The following GALNT18 variants were observed in gnomAD, a reference collection of about 807,000 sequenced individuals.
GALNT18 encodes GalNAc-transferase 18.
GALNT18 carries 44 observed loss-of-function variants against 69.5 expected under a neutral mutation model. The ratio of observed to expected loss-of-function variants is 0.63; its 90% confidence interval spans 0.50 to 0.81. The LOEUF is 0.81. Ranked by LOEUF, GALNT18 falls within the 40% of genes least tolerant of loss-of-function variation. The pLI is 0.00. For synonymous variants in GALNT18, 364 were observed against 318.2 expected (o/e 1.14, Z -1.53); for missense variants, 715 against 810.0 (o/e 0.88, Z 1.42).
At chr11:11,276,226 TCTC>T (rs1298826205) in intron 10 of GALNT18, among the ~76,000 whole-genome samples, 6 of 152,338 alleles carry the variant, frequency 3.9e-5, no homozygotes, top group Non-Finnish European at 8.8e-5. Flanking sequence ...GCTTTGTAGT[TCTC>T]CTTGAAGAGG....
chr11:11,418,596 T>C (rs116727863), intron 3 of GALNT18, among the ~76,000 whole-genome samples: 3,192 of 152,322 alleles, frequency 0.021, 118 homozygotes, highest in African/African-American at 0.071. Flanking sequence ...CTGTGGCTCA[T>C]GGCACTCAGC....
chr11:11,488,571 C>T (rs1010987093), intron 1 of GALNT18, among the ~76,000 whole-genome samples: 3 of 152,140 alleles, frequency 2.0e-5, no homozygotes, highest in African/African-American at 7.2e-5. Context: ...CTTCCTGCCA[C>T]ATAGGGTTGT....
intron 10 of GALNT18, among the ~76,000 whole-genome samples, chr11:11,272,309 C>T (rs1445406703): frequency 6.6e-6 from 1 of 152,222 alleles, no homozygotes. Context: ...CCCCTTATCC[C>T]TTTCCCATCA....
At chr11:11,426,926 T>C (rs1269751281) in intron 3 of GALNT18, among the ~76,000 whole-genome samples, 1 of 152,148 alleles carries the variant, frequency 6.6e-6, no homozygotes, top group Non-Finnish European at 1.5e-5. Context: ...CTGGTATGAA[T>C]CTCCATATTA....
rs139086487 is a variant in GALNT18 at position 11,584,423 on chromosome 11, G to A, written c.235+36936C>T. On this transcript the variant is annotated intron_variant, in intron 1 of 10. Coordinates refer to ENST00000227756, the MANE Select transcript of GALNT18 (RefSeq NM_198516.3). The surrounding 1 kb of genome is among the most constrained non-coding windows in gnomAD (Gnocchi z 4.1). ...GGTTACTGTTGGAAAGCTGATGGGA[G>A]ATGCCGTAAGAGAAATGGGTTCCTA... is the stretch of plus-strand genomic sequence containing the variant. Among the ~76,000 whole-genome samples, 5 of 152,338 alleles carry A rather than the reference G, an allele frequency of 3.3e-5. No individual in the cohort carries two copies. Among genetic ancestry groups the A allele is most frequent in the African/African-American group, 9.6e-5 (4 of 41,570 alleles).
chr11:11,488,977 A>T (rs1329593597), intron 1 of GALNT18, among the ~76,000 whole-genome samples: 1 of 152,268 alleles, frequency 6.6e-6, no homozygotes, highest in African/African-American at 2.4e-5. Context: ...GATGGAATGA[A>T]GAATAAAAAG....
At chr11:11,486,348 A>C (rs1856645432) in intron 1 of GALNT18, among the ~76,000 whole-genome samples, 1 of 152,146 alleles carries the variant, frequency 6.6e-6, no homozygotes, top group African/African-American at 2.4e-5. Flanking sequence ...AAACAAAAGG[A>C]ATATTGGGTT....
rs1374127225 is a variant in GALNT18, at chr11:11,402,343, T to C, written c.596-23079A>G. Among the ~76,000 whole-genome samples, 1 of 152,240 alleles carries C rather than the reference T, an allele frequency of 6.6e-6. No individual in the cohort carries two copies. ...ATATTCTCAGAAAAAATAACTGTTG[T>C]CATTGTGGGCGTAGACATGTTTTAA... On this transcript the variant is annotated intron_variant, in intron 3 of 10. Coordinates refer to ENST00000227756, the MANE Select transcript of GALNT18 (RefSeq NM_198516.3). The surrounding 1 kb of genome is among the most constrained non-coding windows in gnomAD (Gnocchi z 4.0).
intron 10 of GALNT18, among the ~76,000 whole-genome samples, chr11:11,292,447 C>T (rs939377700): frequency 6.6e-5 from 10 of 152,264 alleles, no homozygotes; most frequent in South Asian, 2.1e-4. Context: ...GAATGTCCCA[C>T]GGTCACTAGT....
At chr11:11,271,349 G>A (rs1848823216) in intron 10 of GALNT18, 59 bp from the exon 11 acceptor site, 2 of 1,568,304 alleles carry the variant, frequency 1.3e-6, no homozygotes, top group East Asian at 4.5e-5. Context: ...CAGAAATTCG[G>A]GAGCCTCAGG....
intron 10 of GALNT18, among the ~76,000 whole-genome samples, chr11:11,272,860 G>T (rs928719553): frequency 6.6e-6 from 1 of 152,192 alleles, no homozygotes; most frequent in Non-Finnish European, 1.5e-5. Flanking sequence ...CTTCTTGAAG[G>T]ATGTCATCCA....
rs1857940157 is a variant in GALNT18 at position 11,542,033 on chromosome 11, C to T, written c.235+79326G>A. 6.6e-6 allele frequency among the ~76,000 whole-genome samples: 1 copy of T among 152,142 alleles called. No individual in the cohort carries two copies. Among genetic ancestry groups the T allele is most frequent in the Non-Finnish European group, 1.5e-5 (1 of 68,018 alleles). On this transcript the variant is annotated intron_variant, in intron 1 of 10. Coordinates refer to ENST00000227756, the MANE Select transcript of GALNT18 (RefSeq NM_198516.3). This position sits in a 1 kb window ranked among gnomAD's most constrained non-coding sequence, Gnocchi z 4.3. ...CCCGCTGTAAATATGAAGGAGCCAACCAACCACGATGTTGGATTGCTGGGA... is the reference window on the plus strand; with the variant it reads ...CCCGCTGTAAATATGAAGGAGCCAATCAACCACGATGTTGGATTGCTGGGA...
At chr11:11,609,914 C>G (rs1290371504) in intron 1 of GALNT18, among the ~76,000 whole-genome samples, 1 of 152,164 alleles carries the variant, frequency 6.6e-6, no homozygotes, top group Non-Finnish European at 1.5e-5. Context: ...CACCCCATGC[C>G]CTGAGCCTAG....
chr11:11,466,149 G>A (rs1408102708), intron 1 of GALNT18, among the ~76,000 whole-genome samples: 3 of 152,204 alleles, frequency 2.0e-5, no homozygotes, highest in Non-Finnish European at 4.4e-5. Flanking sequence ...GTTTTATTCT[G>A]TAATATTCTA....
rs1859770164 is a variant in GALNT18, at chr11:11,606,862, T to C, written c.235+14497A>G. On this transcript the variant is annotated intron_variant, in intron 1 of 10. Coordinates refer to ENST00000227756, the MANE Select transcript of GALNT18 (RefSeq NM_198516.3). The surrounding 1 kb of genome is among the most constrained non-coding windows in gnomAD (Gnocchi z 5.4). Reference sequence around the variant, plus strand: ...CAGTAGAGGCTCCTCAGGGTAGTCCTCAAGTTGCATTGGGTCTTGGATCCT... The same window carrying C: ...CAGTAGAGGCTCCTCAGGGTAGTCCCCAAGTTGCATTGGGTCTTGGATCCT... 6.6e-6 allele frequency among the ~76,000 whole-genome samples: 1 copy of C among 152,200 alleles called. No homozygotes were observed. The highest frequency in any genetic ancestry group is 2.4e-5 in the African/African-American group (1 of 41,450).
intron 1 of GALNT18, among the ~76,000 whole-genome samples, chr11:11,572,143 G>A (rs372479416): frequency 6.6e-6 from 1 of 152,320 alleles, no homozygotes; most frequent in South Asian, 2.1e-4. Context: ...GGGCATCATC[G>A]AGTAGTGGTG....
intron 1 of GALNT18, among the ~76,000 whole-genome samples, chr11:11,460,024 T>C (rs1368810828): frequency 6.6e-6 from 1 of 152,060 alleles, no homozygotes; most frequent in Non-Finnish European, 1.5e-5. Flanking sequence ...GTGGGTCAAG[T>C]CCATCCCACA....
In GALNT18 at chr11:11,293,538, T is replaced by A. The variant is rs997134726; in HGVS notation, c.1513-345A>T. 2.4e-3 allele frequency among the ~76,000 whole-genome samples: 239 copies of A among 99,266 alleles called. 2 individuals carry two copies. The highest frequency in any genetic ancestry group is 8.7e-3 in the African/African-American group (225 of 25,752). 65.1% of individuals were successfully genotyped at this position (99,266 alleles called of 152,430 possible). ...CACCCAGTTTACAAACCCCTCTTTT[T>A]TTTTTTTTTTTTTTTTTTTGGAGAC... On this transcript the variant is annotated intron_variant, in intron 9 of 10. Coordinates refer to ENST00000227756, the MANE Select transcript of GALNT18 (RefSeq NM_198516.3).
chr11:11,574,527 G>A (rs1203653204), intron 1 of GALNT18, among the ~76,000 whole-genome samples: 1 of 152,180 alleles, frequency 6.6e-6, no homozygotes, highest in African/African-American at 2.4e-5. Flanking sequence ...ATCACACCTG[G>A]CTTCTAGCTT....
Sources: gnomAD v4.1 joint callset for allele counts (sites outside exome capture counted in the v4.1 genomes callset) on GRCh38, gnomAD v4.1.1 for gene constraint, Gnocchi (gnomAD v3.1) non-coding constraint, MANE v1.5 for transcripts, NCBI Gene and HGNC (gene_info 2026-07-23, HGNC 2026-07-21) for gene names.